CLMN: variants seen among roughly 807,000 people sequenced by gnomAD.
CLMN encodes the protein calmin.
In CLMN, 57 loss-of-function variants were observed where a neutral mutation model predicts 92.7. The observed-to-expected ratio is 0.61, with a 90% CI of 0.50 to 0.77. The LOEUF is 0.77. Ranked by LOEUF, CLMN falls within the 30% of genes least tolerant of loss-of-function variation. CLMN has a pLI of 0.00. For synonymous variants in CLMN, 466 were observed against 470.6 expected, an observed-to-expected ratio of 0.99 and a Z score of 0.13; for missense variants, 1,158 against 1,237.5, an observed-to-expected ratio of 0.94 and a Z score of 0.96.
chr14:95,220,606 C>T (rs1897505230), intron 4 of CLMN, among the ~76,000 whole-genome samples: 1 of 152,206 alleles, frequency 6.6e-6, no homozygotes, highest in Non-Finnish European at 1.5e-5. Context: ...CTGAACCTCC[C>T]CTCTGTGCCT....
chr14:95,201,918 T>C (rs924031304), intron 9 of CLMN, among the ~76,000 whole-genome samples: 4 of 152,244 alleles, frequency 2.6e-5, no homozygotes, highest in Admixed American at 2.6e-4. Context: ...CTCATTCTTT[T>C]TTATGGCTGC....
Position 95,183,338 on chromosome 14 carries a change from T to TATTG in CLMN, c.*8222_*8225dup, listed in dbSNP as rs1896371031. On this transcript the variant is annotated 3_prime_UTR_variant, in exon 13 of 13. Coordinates refer to ENST00000298912, the MANE Select transcript of CLMN (RefSeq NM_024734.4). ...CATGGGCTTGTAGAGAATACACACC[T>TATTG]ATTGATTTTTGCTGGGGCTAAAGGA... The TATTG allele has an allele frequency of 6.6e-6, 1 of 152,262 alleles. No individual in the cohort carries two copies. Among genetic ancestry groups the TATTG allele is most frequent in the South Asian group, 2.1e-4 (1 of 4,834 alleles). The allele number at this position is 152,262 out of a possible 1,614,324, so 9.4% of individuals were successfully genotyped here.
rs764495448 is a variant in CLMN, at chr14:95,213,281, C to G, written c.546G>C (p.Ser182=). Residue 182 remains serine, a synonymous_variant, in exon 6 of 13, where the codon TCG becomes TCC. Coordinates refer to ENST00000298912, the MANE Select transcript of CLMN (RefSeq NM_024734.4). ...TPTAERSVAI[S]VKDQRKAIKA... is the part of the protein sequence containing the mutation. ...TGATAGCCTTCCTCTGGTCTTTCAC[C>G]GATATTGCCACGCTCCTCTCTGCAG... is the stretch of plus-strand genomic sequence containing the variant. 1 of 1,613,962 alleles carries G rather than the reference C, an allele frequency of 6.2e-7. No homozygotes were observed. The highest frequency in any genetic ancestry group is 1.3e-5 in the African/African-American group (1 of 75,044).
intron 1 of CLMN, among the ~76,000 whole-genome samples, chr14:95,278,663 G>A (rs756529788): frequency 5.9e-5 from 9 of 152,166 alleles, no homozygotes; most frequent in Non-Finnish European, 1.2e-4. Context: ...TATGCATTAT[G>A]AGAGATATAG....
chr14:95,204,888 G>C (rs1897004628), intron 8 of CLMN, among the ~76,000 whole-genome samples: 1 of 152,128 alleles, frequency 6.6e-6, no homozygotes, highest in Non-Finnish European at 1.5e-5. Context: ...GGAAAGATCA[G>C]CCAAATCTTT....
rs11849713 is a variant in CLMN, at chr14:95,202,744, C to T, written c.2511+94G>A. ...GTAGTCCCAAGGGAAGCCCCCTCAT[C>T]GCTATTTTATGGAGCAAGAAGCTGA... On this transcript the variant is annotated intron_variant, in intron 9 of 12. Coordinates refer to ENST00000298912, the MANE Select transcript of CLMN (RefSeq NM_024734.4). The T allele has an allele frequency of 3.5e-4, 462 of 1,335,180 alleles. 2 individuals carry two copies. The African/African-American group carries it at 6.0e-3, about 17-fold the overall frequency. 82.7% of individuals were successfully genotyped at this position (1,335,180 alleles called of 1,614,324 possible). A position where few individuals can be genotyped will look rare whatever the true frequency, so the allele number is the denominator to read the frequency against.
At chr14:95,280,067 A>G (rs1356445369) in intron 1 of CLMN, among the ~76,000 whole-genome samples, 1 of 152,210 alleles carries the variant, frequency 6.6e-6, no homozygotes, top group African/African-American at 2.4e-5. Context: ...AGGTTTGTGA[A>G]AGATTAATCT....
chr14:95,293,035 G>A (rs1159810420), intron 1 of CLMN, among the ~76,000 whole-genome samples: 1 of 152,166 alleles, frequency 6.6e-6, no homozygotes, highest in Non-Finnish European at 1.5e-5. Flanking sequence ...ATGTATTTGG[G>A]AGATGGTTAG....
intron 1 of CLMN, among the ~76,000 whole-genome samples, chr14:95,258,435 G>T (rs552692056): frequency 1.3e-5 from 2 of 150,656 alleles, no homozygotes; most frequent in African/African-American, 4.9e-5. Context: ...GTGTTTGTAT[G>T]TGTGGTGTGG....
chr14:95,212,013 AC>A (rs1417689365), intron 6 of CLMN, among the ~76,000 whole-genome samples: 2 of 152,148 alleles, frequency 1.3e-5, no homozygotes. Flanking sequence ...CTGACAATGA[AC>A]TTTTTTTTGG....
At chr14:95,246,784 A>G (rs1898589649) in intron 1 of CLMN, among the ~76,000 whole-genome samples, 1 of 152,184 alleles carries the variant, frequency 6.6e-6, no homozygotes, top group Non-Finnish European at 1.5e-5. Context: ...GTTTTTTAAA[A>G]TGGAAGTTGT....
At chr14:95,315,375 G>A (rs1172281609) in intron 1 of CLMN, among the ~76,000 whole-genome samples, 1 of 152,216 alleles carries the variant, frequency 6.6e-6, no homozygotes, top group African/African-American at 2.4e-5. Flanking sequence ...TAGCTCATGG[G>A]TTGGGAAGCT....
rs151220202 is a variant in CLMN, at chr14:95,312,261, C to A, written c.82+7450G>T. Among the ~76,000 whole-genome samples, 746 of 152,244 alleles carry A rather than the reference C, an allele frequency of 4.9e-3. 7 individuals are homozygous for A. Among genetic ancestry groups the A allele is most frequent in the African/African-American group, 0.013 (525 of 41,526 alleles). ...AGAACTCCTAGCATGTCCCATTCAC[C>A]CACCCCTCCATCCCGAGCTCCCAGA... On this transcript the variant is annotated intron_variant, in intron 1 of 12. Transcript: ENST00000298912.
chr14:95,272,406 G>T (rs1030677715), intron 1 of CLMN, among the ~76,000 whole-genome samples: 4 of 152,178 alleles, frequency 2.6e-5, no homozygotes, highest in African/African-American at 7.2e-5. Flanking sequence ...TGGGAGAGAA[G>T]TTCCAGAACA....
At chr14:95,255,759 G>A (rs1425541245) in intron 1 of CLMN, among the ~76,000 whole-genome samples, 1 of 152,128 alleles carries the variant, frequency 6.6e-6, no homozygotes, top group Non-Finnish European at 1.5e-5. Context: ...CGTATTTAGT[G>A]TAGCACTGAC....
chr14:95,197,523 C>T (rs116726048), intron 9 of CLMN, among the ~76,000 whole-genome samples: 64 of 152,198 alleles, frequency 4.2e-4, no homozygotes, highest in African/African-American at 1.5e-3. Context: ...CTAGGTGGGC[C>T]AAAGGGTGCA....
intron 4 of CLMN, among the ~76,000 whole-genome samples, chr14:95,218,004 T>G (rs919602405): frequency 2.6e-5 from 4 of 152,228 alleles, no homozygotes; most frequent in African/African-American, 9.7e-5. Context: ...AGCTACCATT[T>G]TGTTTTTGGT....
chr14:95,225,890 G>A (rs1476420364), intron 2 of CLMN, among the ~76,000 whole-genome samples: 4 of 152,230 alleles, frequency 2.6e-5, no homozygotes, highest in African/African-American at 9.7e-5. Context: ...GTTCCACACG[G>A]TATCTGCTAG....
At chr14:95,222,348 A>G (rs1897572185) in intron 3 of CLMN, 1 of 258,678 alleles carries the variant, frequency 3.9e-6, no homozygotes, top group South Asian at 3.9e-5. Flanking sequence ...TGCAGAAGCT[A>G]AAACTCTGAC....
Sources: allele counts gnomAD v4.1 joint callset (sites outside exome capture counted in the v4.1 genomes callset), GRCh38; gene constraint gnomAD v4.1.1; transcripts MANE v1.5; gene names NCBI Gene and HGNC (gene_info 2026-07-23, HGNC 2026-07-21).